LRRC4C: variants seen among roughly 807,000 people sequenced by gnomAD.
LRRC4C encodes leucine rich repeat containing 4C, also known as leucine-rich repeat-containing protein 4C.
In LRRC4C, 5 loss-of-function variants were observed where a neutral mutation model predicts 33.6. The ratio of observed to expected loss-of-function variants is 0.15; its 90% CI spans 0.08 to 0.31. The LOEUF (loss-of-function observed/expected upper bound fraction) is 0.31. Among genes scored for constraint, LRRC4C ranks in the 10% least tolerant of loss-of-function variants. The pLI, the probability that LRRC4C is intolerant of heterozygous loss-of-function variation, is 1.00. For missense variants in LRRC4C, 560 were observed against 796.7 expected, an observed-to-expected ratio of 0.70 and a Z score of 3.58; for synonymous variants, 329 against 302.0, an observed-to-expected ratio of 1.09 and a Z score of -0.93.
chr11:40,839,274 G>T (rs12808498), intron 2 of LRRC4C, among the ~76,000 whole-genome samples: 1 of 151,474 alleles, frequency 6.6e-6, no homozygotes, highest in Non-Finnish European at 1.5e-5. Context: ...TCACTCTGTC[G>T]CCCAGGCTGG....
chr11:41,075,866 T>C (rs1172211915), intron 1 of LRRC4C, among the ~76,000 whole-genome samples: 2 of 152,236 alleles, frequency 1.3e-5, no homozygotes, highest in Non-Finnish European at 1.5e-5. Flanking sequence ...AGTTGTCATC[T>C]TACTAAACCT....
chr11:40,437,690 G>A (rs564133386), intron 3 of LRRC4C, among the ~76,000 whole-genome samples: 36 of 150,692 alleles, frequency 2.4e-4, no homozygotes, highest in South Asian at 4.2e-4. Flanking sequence ...CACCGTTCCC[G>A]GCTGTGACTT....
intron 1 of LRRC4C, among the ~76,000 whole-genome samples, chr11:40,954,426 G>T (rs913215726): frequency 6.6e-6 from 1 of 151,776 alleles, no homozygotes. Flanking sequence ...CAGCCTTGAG[G>T]CATTTGCATG....
In LRRC4C at chr11:40,571,371, T is replaced by C. The variant is rs1368219674; in HGVS notation, c.-270+76771A>G. On this transcript the variant is annotated intron_variant, in intron 3 of 6. Transcript: ENST00000528697. Reference sequence around the variant, plus strand: ...TTCCTTGTATTGTAAATTTCACTGTTGAATAATAGTGTTTACAGAGAATTT... The same window carrying C: ...TTCCTTGTATTGTAAATTTCACTGTCGAATAATAGTGTTTACAGAGAATTT... Among the ~76,000 whole-genome samples, 5 of 152,260 alleles carry C rather than the reference T, an allele frequency of 3.3e-5. No homozygotes were observed. In the East Asian group the frequency reaches 7.7e-4, roughly 24 times the overall value.
At chr11:40,766,957 G>A (rs1949503891) in intron 2 of LRRC4C, among the ~76,000 whole-genome samples, 1 of 151,818 alleles carries the variant, frequency 6.6e-6, no homozygotes, top group Non-Finnish European at 1.5e-5. Context: ...GCAGTGGTAA[G>A]TCCTTACTTA....
At chr11:40,969,087 A>G (rs1369145335) in intron 1 of LRRC4C, among the ~76,000 whole-genome samples, 1 of 152,204 alleles carries the variant, frequency 6.6e-6, no homozygotes, top group African/African-American at 2.4e-5. Flanking sequence ...CAAAATATCA[A>G]CATTAACAGG....
chr11:40,571,818 C>T (rs1957994747), intron 3 of LRRC4C, among the ~76,000 whole-genome samples: 1 of 152,124 alleles, frequency 6.6e-6, no homozygotes, highest in South Asian at 2.1e-4. Context: ...GCAGGGCAAA[C>T]TCAAAAGACC....
At chr11:41,183,457 T>A (rs1279546754) in intron 1 of LRRC4C, among the ~76,000 whole-genome samples, 1 of 152,170 alleles carries the variant, frequency 6.6e-6, no homozygotes, top group African/African-American at 2.4e-5. Context: ...CAGGGAAGTC[T>A]GAAATCCAGC....
chr11:41,301,916 A>G (rs1410860733), intron 1 of LRRC4C, among the ~76,000 whole-genome samples: 3 of 152,282 alleles, frequency 2.0e-5, no homozygotes, highest in East Asian at 3.9e-4. Flanking sequence ...TGTTTACTGT[A>G]TACTATTTAC....
At chr11:40,565,561 CA>C (rs1957723293) in intron 3 of LRRC4C, among the ~76,000 whole-genome samples, 1 of 152,124 alleles carries the variant, frequency 6.6e-6, no homozygotes, top group Non-Finnish European at 1.5e-5. Flanking sequence ...GTAATGTAGT[CA>C]GGGCTCTTCC....
chr11:40,121,198 C>T (rs1855801545), intron 6 of LRRC4C, among the ~76,000 whole-genome samples: 1 of 152,134 alleles, frequency 6.6e-6, no homozygotes. Context: ...ATTGCTATTA[C>T]TTAAAAGGTA....
chr11:41,019,338 A>C (rs10837547), intron 1 of LRRC4C, among the ~76,000 whole-genome samples: 76,877 of 152,018 alleles, frequency 0.51, 20,496 homozygotes, highest in East Asian at 0.65. Context: ...TGTACCTGCA[A>C]AGAACATGAT....
intron 1 of LRRC4C, among the ~76,000 whole-genome samples, chr11:41,162,689 T>C (rs897406856): frequency 6.6e-6 from 1 of 152,022 alleles, no homozygotes; most frequent in Non-Finnish European, 1.5e-5. Flanking sequence ...AAACATAGTA[T>C]AAAAGATAAA....
chr11:41,401,389 A>T (rs568751391), intron 1 of LRRC4C, among the ~76,000 whole-genome samples: 2 of 151,904 alleles, frequency 1.3e-5, no homozygotes, highest in African/African-American at 2.4e-5. Flanking sequence ...GAAAAAAATA[A>T]GAAATTTTCT....
intron 1 of LRRC4C, among the ~76,000 whole-genome samples, chr11:41,157,992 A>G (rs1387773333): frequency 1.3e-5 from 2 of 151,972 alleles, no homozygotes; most frequent in South Asian, 2.1e-4. Flanking sequence ...GCTCTTATTC[A>G]TTCATTTATT....
intron 3 of LRRC4C, among the ~76,000 whole-genome samples, chr11:40,590,605 G>A (rs931593410): frequency 3.3e-5 from 5 of 151,962 alleles, no homozygotes; most frequent in African/African-American, 1.2e-4. Context: ...CCATCTTTGT[G>A]GTTTTATCTA....
chr11:41,162,928 C>T (rs1245483014), intron 1 of LRRC4C, among the ~76,000 whole-genome samples: 2 of 152,108 alleles, frequency 1.3e-5, no homozygotes, highest in Non-Finnish European at 2.9e-5. Flanking sequence ...ACTGTTTCCC[C>T]ACCCAAATCT....
intron 3 of LRRC4C, among the ~76,000 whole-genome samples, chr11:40,483,648 C>A (rs1953705482): frequency 6.6e-6 from 1 of 151,712 alleles, no homozygotes; most frequent in African/African-American, 2.4e-5. Flanking sequence ...ACAATTATAA[C>A]CAAGGAAAGC....
At chr11:40,221,612 A>C (rs1225301298) in intron 5 of LRRC4C, among the ~76,000 whole-genome samples, 1 of 152,154 alleles carries the variant, frequency 6.6e-6, no homozygotes, top group African/African-American at 2.4e-5. Context: ...AAGAAAGAAA[A>C]AGTAAAAACT....
Sources: gnomAD v4.1 joint callset for allele counts (sites outside exome capture counted in the v4.1 genomes callset) on GRCh38, gnomAD v4.1.1 for gene constraint, MANE v1.5 for transcripts, NCBI Gene and HGNC (gene_info 2026-07-23, HGNC 2026-07-21) for gene names.